N4BP2L1: variants seen among roughly 807,000 people sequenced by gnomAD.
N4BP2L1 encodes NEDD4-binding protein 2-like 1.
A neutral mutation model predicts 21.2 loss-of-function variants in N4BP2L1; 12 were observed. The observed-to-expected ratio is 0.57, with a 90% CI of 0.36 to 0.92. The LOEUF is 0.92. Among genes scored for constraint, N4BP2L1 ranks in the 40% least tolerant of loss-of-function variants. N4BP2L1 has a pLI of 0.01. For missense variants in N4BP2L1, 259 were observed against 310.6 expected (o/e 0.83, Z 1.25); for synonymous variants, 104 against 112.8 (o/e 0.92, Z 0.49).
chr13:32,404,148 C>T, intron 4 of N4BP2L1, 173 bp downstream of exon 4: 1 of 1,607,674 alleles, frequency 6.2e-7, no homozygotes, highest in South Asian at 1.1e-5. Flanking sequence ...AAAACTGACC[C>T]AAAACTAAAG....
chr13:32,403,300 C>T (rs1566277749), intron 4 of N4BP2L1, 100 bp from the exon 5 acceptor site: 2 of 1,226,408 alleles, frequency 1.6e-6, no homozygotes, highest in Non-Finnish European at 2.3e-6. Context: ...AGTCCCTGTT[C>T]TCAGGACCTA....
intron 1 of N4BP2L1, among the ~76,000 whole-genome samples, chr13:32,427,094 G>A (rs536198982): frequency 2.0e-5 from 3 of 152,210 alleles, no homozygotes; most frequent in Non-Finnish European, 4.4e-5. Flanking sequence ...GCCTAGCAAG[G>A]TGGCCACAGG....
Position 32,402,231 on chromosome 13 carries a change from G to A in N4BP2L1, c.*711C>T. On this transcript the variant is annotated 3_prime_UTR_variant, in exon 5 of 5. Transcript: ENST00000380130. ...CCAAAAGTTATTCAGGTTTAATCCT[G>A]CTGAATAAAGTAGTAAAAACACAAG... 1.1e-6 allele frequency: 1 copy of A among 916,098 alleles called. No homozygotes were observed. The highest frequency in any genetic ancestry group is 1.3e-6 in the Non-Finnish European group (1 of 766,832). 56.7% of individuals were successfully genotyped at this position (916,098 alleles called of 1,614,324 possible). A position where few individuals can be genotyped will look rare whatever the true frequency, so the allele number is the denominator to read the frequency against.
chr13:32,415,669 CAGG>C (rs980841355), intron 1 of N4BP2L1, among the ~76,000 whole-genome samples: 4 of 152,138 alleles, frequency 2.6e-5, no homozygotes, highest in Admixed American at 1.3e-4. Context: ...GACTCCTAAT[CAGG>C]AGTTTTTCTT....
At chr13:32,407,136 C>T in intron 3 of N4BP2L1, 114 bp downstream of exon 3, 6 of 1,086,458 alleles carry the variant, frequency 5.5e-6, no homozygotes, top group Non-Finnish European at 8.2e-6. Context: ...CCTGGGAGAA[C>T]CACTGTTAGC....
intron 1 of N4BP2L1, among the ~76,000 whole-genome samples, chr13:32,413,876 CTTTTT>C (rs57796470): frequency 2.0e-5 from 2 of 98,568 alleles, no homozygotes; most frequent in Non-Finnish European, 3.8e-5. Context: ...TTGCACCAAG[CTTTTT>C]TTTTTTTTTT....
intron 3 of N4BP2L1, 76 bp downstream of exon 3, chr13:32,407,174 A>G (rs2073565541): frequency 1.4e-6 from 2 of 1,402,738 alleles, no homozygotes; most frequent in African/African-American, 1.4e-5. Context: ...ACATCAGAAA[A>G]AGAGGAAAGA....
chr13:32,412,885 T>C (rs1347653201), intron 1 of N4BP2L1, among the ~76,000 whole-genome samples: 2 of 152,134 alleles, frequency 1.3e-5, no homozygotes, highest in African/African-American at 4.8e-5. Flanking sequence ...TAAGAGCTAA[T>C]GTTAGGTTTT....
chr13:32,419,049 G>A (rs945196829), intron 1 of N4BP2L1, among the ~76,000 whole-genome samples: 1 of 152,124 alleles, frequency 6.6e-6, no homozygotes, highest in African/African-American at 2.4e-5. Context: ...AGGAAGACAT[G>A]ATTGTGTTTT....
intron 1 of N4BP2L1, among the ~76,000 whole-genome samples, chr13:32,410,370 A>C (rs1446904544): frequency 6.6e-6 from 1 of 152,242 alleles, no homozygotes; most frequent in Non-Finnish European, 1.5e-5. Flanking sequence ...GCTCCAGCAC[A>C]TTCTTTTGGT....
chr13:32,402,722 T>G lies in N4BP2L1; in HGVS notation c.*220A>C, dbSNP rs975056832. ...AAATTCTTACCCTAGAGAAAGAGAC[T>G]GTTTACTCAAATCTGCAGAATTCCC... On this transcript the variant is annotated 3_prime_UTR_variant, in exon 5 of 5. Coordinates refer to ENST00000380130, the MANE Select transcript of N4BP2L1 (RefSeq NM_052818.3). 3 of 1,329,360 alleles carry G rather than the reference T, an allele frequency of 2.3e-6. No homozygotes were observed. The highest frequency in any genetic ancestry group is 2.9e-6 in the Non-Finnish European group (3 of 1,043,418). The allele number at this position is 1,329,360 out of a possible 1,614,324, so 82.3% of individuals were successfully genotyped here. A position where few individuals can be genotyped will look rare whatever the true frequency, so the allele number is the denominator to read the frequency against.
intron 1 of N4BP2L1, among the ~76,000 whole-genome samples, chr13:32,422,071 T>C (rs946755158): frequency 6.6e-6 from 1 of 152,210 alleles, no homozygotes; most frequent in Admixed American, 6.5e-5. Context: ...AGGATAAATA[T>C]GGAAACGTAT....
chr13:32,425,447 T>C, intron 1 of N4BP2L1: 1 of 152,446 alleles, frequency 6.6e-6, no homozygotes, highest in Non-Finnish European at 1.5e-5. Context: ...AGCTACCTTC[T>C]TCACTCCAGA....
chr13:32,404,698 G>A (rs953038229), intron 3 of N4BP2L1, among the ~76,000 whole-genome samples: 1 of 151,014 alleles, frequency 6.6e-6, no homozygotes, highest in African/African-American at 2.4e-5. Context: ...CCTGAACACC[G>A]GTATGAATGA....
intron 4 of N4BP2L1, 176 bp downstream of exon 4, chr13:32,404,145 A>G: frequency 1.9e-6 from 3 of 1,606,762 alleles, no homozygotes; most frequent in Non-Finnish European, 1.7e-6. Flanking sequence ...TAGAAAACTG[A>G]CCCAAAACTA....
At position 32,402,618 on chromosome 13, in the gene N4BP2L1, T is replaced by C; in HGVS notation, c.*324A>G. 9.6e-7 allele frequency: 1 copy of C among 1,044,722 alleles called. No homozygotes were observed. Among genetic ancestry groups the C allele is most frequent in the South Asian group, 4.1e-5 (1 of 24,482 alleles). The allele number at this position is 1,044,722 out of a possible 1,614,324, so 64.7% of individuals were successfully genotyped here. A position where few individuals can be genotyped will look rare whatever the true frequency, so the allele number is the denominator to read the frequency against. On this transcript the variant is annotated 3_prime_UTR_variant, in exon 5 of 5. Coordinates refer to ENST00000380130, the MANE Select transcript of N4BP2L1 (RefSeq NM_052818.3). ...CTTCAGAGCAAATGGTACTGAAGCTTATATATAATATAAACACTTTATTTC... is the reference window on the plus strand; with the variant it reads ...CTTCAGAGCAAATGGTACTGAAGCTCATATATAATATAAACACTTTATTTC...
intron 1 of N4BP2L1, among the ~76,000 whole-genome samples, chr13:32,414,933 G>A (rs1464277604): frequency 6.6e-6 from 1 of 152,130 alleles, no homozygotes; most frequent in African/African-American, 2.4e-5. Context: ...AAGACAACAG[G>A]CTAGATGAGA....
intron 4 of N4BP2L1, 65 bp from the exon 5 acceptor site, chr13:32,403,265 AG>A (rs1195969325): frequency 3.3e-6 from 5 of 1,497,024 alleles, no homozygotes; most frequent in Admixed American, 4.3e-5. Context: ...ATATTTTACA[AG>A]TCCTCTAGTA....
chr13:32,412,456 G>A (rs1040152739), intron 1 of N4BP2L1, among the ~76,000 whole-genome samples: 6 of 151,818 alleles, frequency 4.0e-5, no homozygotes, highest in Admixed American at 1.3e-4. Flanking sequence ...GCAAAATCCC[G>A]TCTCTACTAA....
Sources: allele counts gnomAD v4.1 joint callset (sites outside exome capture counted in the v4.1 genomes callset), GRCh38; gene constraint gnomAD v4.1.1; transcripts MANE v1.5; gene names NCBI Gene and HGNC (gene_info 2026-07-23, HGNC 2026-07-21).